The following PLEKHG3 variants were observed in gnomAD, a reference collection of about 807,000 sequenced individuals.
PLEKHG3 encodes the protein pleckstrin homology and RhoGEF domain containing G3, also known as pleckstrin homology domain-containing family G member 3.
Under a neutral mutation model 94.9 loss-of-function variants are expected in PLEKHG3, and 62 were observed. That is an observed-to-expected ratio of 0.65 (90% CI 0.53 to 0.81). PLEKHG3 has a LOEUF of 0.81. Ranked by LOEUF, PLEKHG3 falls within the 30% of genes least tolerant of loss-of-function variation. The probability of loss-of-function intolerance (pLI) is 0.00; values close to 1 mark genes in which losing one functional copy is unlikely to be tolerated. For missense variants in PLEKHG3, 1,461 were observed against 1,619.3 expected, an observed-to-expected ratio of 0.90 and a Z score of 1.68; for synonymous variants, 614 against 654.0, an observed-to-expected ratio of 0.94 and a Z score of 0.93.
At position 64,746,736 on chromosome 14, in the gene PLEKHG3, G is replaced by C. The variant is rs2081849015; in HGVS notation, c.*3033G>C. The C allele has an allele frequency of 6.6e-6, 1 of 152,618 alleles. No individual in the cohort carries two copies. Among genetic ancestry groups the C allele is most frequent in the Non-Finnish European group, 1.5e-5 (1 of 68,142 alleles). The allele number at this position is 152,618 out of a possible 1,614,324, so 9.5% of individuals were successfully genotyped here. On this transcript the variant is annotated 3_prime_UTR_variant, in exon 17 of 17. Coordinates refer to ENST00000247226, the MANE Select transcript of PLEKHG3 (RefSeq NM_001308147.2). The surrounding 1 kb of genome is among the most constrained non-coding windows in gnomAD (Gnocchi z 4.9). ...AGAGTCAGTTGAGGCTGGGACAAAG[G>C]GGAAGGAGAGAGGGAAGGAGGACCG...
rs1046000536 is a variant in PLEKHG3 at position 64,721,612 on chromosome 14, C to T, written c.-39-5981C>T. Among the ~76,000 whole-genome samples, 17 of 152,242 alleles carry T rather than the reference C, an allele frequency of 1.1e-4. No homozygotes were observed. The highest frequency in any genetic ancestry group is 3.9e-4 in the African/African-American group (16 of 41,470). On this transcript the variant is annotated intron_variant, in intron 1 of 16. Transcript: ENST00000247226. The surrounding 1 kb of genome is among the most constrained non-coding windows in gnomAD (Gnocchi z 4.3). ...ACCTTGGTCACACTGTTGGCACAGC[C>T]TCTGCAGGCAGTCACGTTGCTCACA...
Position 64,742,226 on chromosome 14 carries a change from G to T in PLEKHG3, c.2709G>T (p.Leu903=), listed in dbSNP as rs2081714261. The T allele has an allele frequency of 1.9e-6, 3 of 1,612,856 alleles. No individual in the cohort carries two copies. In the Admixed American group the frequency reaches 5.0e-5, roughly 27 times the overall value. Residue 903 remains leucine, a synonymous_variant, in exon 16 of 17, where the codon CTG becomes CTT. Transcript: ENST00000247226. ...SSTQGELVAP[L]HPRIVQLSHV... ...CCCAGGGGGAGCTGGTGGCCCCACTGCACCCCCGCATCGTGCAGCTCTCCC... is the reference window on the plus strand; with the variant it reads ...CCCAGGGGGAGCTGGTGGCCCCACTTCACCCCCGCATCGTGCAGCTCTCCC...
rs1266363778 is a variant in PLEKHG3 at position 64,739,056 on chromosome 14, A to G, written c.1518+201A>G. Among the ~76,000 whole-genome samples the G allele has an allele frequency of 1.3e-5, 2 of 152,104 alleles. No homozygotes were observed. The highest frequency in any genetic ancestry group is 2.9e-5 in the Non-Finnish European group (2 of 68,016). ...TTTGGTGAGCAGACCACCCCTTTCT[A>G]TGAAGTAGAGAAAGGCTCCCCTTTG... On this transcript the variant is annotated intron_variant, in intron 15 of 16. Coordinates refer to ENST00000247226, the MANE Select transcript of PLEKHG3 (RefSeq NM_001308147.2). This position sits in a 1 kb window ranked among gnomAD's most constrained non-coding sequence, Gnocchi z 4.1.
chr14:64,732,069 G>A lies in PLEKHG3; in HGVS notation c.1126-26G>A. On this transcript the variant is annotated intron_variant, in intron 9 of 16. Transcript: ENST00000247226. This position sits in a 1 kb window ranked among gnomAD's most constrained non-coding sequence, Gnocchi z 4.9. ...TTCAGGCCTGTAATGATAACCACTG[G>A]GTCCCTTTCCCTTGGGTCCTCCCAG... 1 of 1,534,916 alleles carries A rather than the reference G, an allele frequency of 6.5e-7. No individual in the cohort carries two copies. Among genetic ancestry groups the A allele is most frequent in the Non-Finnish European group, 9.0e-7 (1 of 1,107,740 alleles).
rs2081261372 is a variant in PLEKHG3 at position 64,721,494 on chromosome 14, T to G, written c.-39-6099T>G. On this transcript the variant is annotated intron_variant, in intron 1 of 16. Transcript: ENST00000247226. This position sits in a 1 kb window ranked among gnomAD's most constrained non-coding sequence, Gnocchi z 4.3. ...CCTGCTGCAAGGGACCCAGCCAGACTACATGGGCCCTGCTGCTCTTAGGTG... is the reference window on the plus strand; with the variant it reads ...CCTGCTGCAAGGGACCCAGCCAGACGACATGGGCCCTGCTGCTCTTAGGTG... Among the ~76,000 whole-genome samples the G allele has an allele frequency of 6.6e-6, 1 of 152,208 alleles. No individual in the cohort carries two copies. Among genetic ancestry groups the G allele is most frequent in the South Asian group, 2.1e-4 (1 of 4,832 alleles).
chr14:64,737,358 C>T lies in PLEKHG3; in HGVS notation c.1387C>T (p.Arg463Ter), dbSNP rs755962656. Residue 463 changes from arginine (R) to a stop codon, truncating the protein, a stop_gained and splice_region_variant, in exon 14 of 17, where the codon CGA (arginine) becomes TGA (stop). Transcript: ENST00000247226. LOFTEE classifies it high-confidence loss of function. ...HLLRQLNEKA[R>*]AAGMKGKGRR... ...GGACCCGGTGGTGATGTCTGCAGCC[C>T]GAGCAGCAGGAATGAAGGTAAAGGC... The T allele has an allele frequency of 5.6e-6, 9 of 1,602,160 alleles. No homozygotes were observed. The highest frequency in any genetic ancestry group is 1.1e-5 in the South Asian group (1 of 88,676).
chr14:64,733,341 T>C (rs1406625270), intron 12 of PLEKHG3, among the ~76,000 whole-genome samples: 1 of 148,616 alleles, frequency 6.7e-6, no homozygotes, highest in Non-Finnish European at 1.5e-5. Flanking sequence ...ATTTTTGTAT[T>C]TTTTAGTAGA....
rs761895184 is a variant in PLEKHG3 at position 64,741,360 on chromosome 14, C to T, written c.1843C>T (p.Arg615Trp). The T allele has an allele frequency of 5.3e-5, 85 of 1,613,364 alleles. 1 individual carries two copies. The South Asian group carries it at 7.1e-4, about 14-fold the overall frequency. The change falls in exon 16 of 17, where the codon CGG (arginine) becomes TGG (tryptophan). Residue 615 changes from arginine (R) to tryptophan (W), a missense_variant. Transcript: ENST00000247226. ...GGAGCGATTTGTCAGCAGCTTCTCT[C>T]GGCGGAGCAGCGTGGCACAGGAGGA... ...IAERFVSSFS[R>W]RSSVAQEDSK... is the part of the protein sequence containing the mutation.
rs962577658 is a variant in PLEKHG3 at position 64,738,339 on chromosome 14, C to T, written c.1405-403C>T. On this transcript the variant is annotated intron_variant, in intron 14 of 16. Coordinates refer to ENST00000247226, the MANE Select transcript of PLEKHG3 (RefSeq NM_001308147.2). The surrounding 1 kb of genome is among the most constrained non-coding windows in gnomAD (Gnocchi z 4.8). Reference sequence around the variant, plus strand: ...CCCACCCTGCCCTGGTTTTACTCCTCCCCTCAGCACTTAACACCATCGCTC... The same window carrying T: ...CCCACCCTGCCCTGGTTTTACTCCTTCCCTCAGCACTTAACACCATCGCTC... 1 of 525,276 alleles carries T rather than the reference C, an allele frequency of 1.9e-6. No homozygotes were observed. The highest frequency in any genetic ancestry group is 1.8e-5 in the South Asian group (1 of 54,614). 32.5% of individuals were successfully genotyped at this position (525,276 alleles called of 1,614,324 possible).
In PLEKHG3 at chr14:64,732,977, TC is replaced by T; in HGVS notation, c.1345+78del. ...AGACTGGGGACCGTCTGCGGCAGTG[TC>T]CAGGGCTGTGGCTCTCACCTCTGCG... On this transcript the variant is annotated intron_variant, in intron 12 of 16. Transcript: ENST00000247226. This position sits in a 1 kb window ranked among gnomAD's most constrained non-coding sequence, Gnocchi z 4.9. 1 of 919,468 alleles carries T rather than the reference TC, an allele frequency of 1.1e-6. No individual in the cohort carries two copies. The highest frequency in any genetic ancestry group is 1.7e-6 in the Non-Finnish European group (1 of 577,916). 57.0% of individuals were successfully genotyped at this position (919,468 alleles called of 1,614,324 possible).
intron 1 of PLEKHG3, among the ~76,000 whole-genome samples, chr14:64,709,047 G>C (rs2081023177): frequency 6.6e-6 from 1 of 152,208 alleles, no homozygotes; most frequent in African/African-American, 2.4e-5. Flanking sequence ...TCAGCAGGGG[G>C]CCCATCTAGA....
rs2081650704 is a variant in PLEKHG3 at position 64,739,816 on chromosome 14, G to T, written c.1518+961G>T. On this transcript the variant is annotated intron_variant, in intron 15 of 16. Transcript: ENST00000247226. This position sits in a 1 kb window ranked among gnomAD's most constrained non-coding sequence, Gnocchi z 4.1. ...ATCTGACCCCACTCATGAGGATGGA[G>T]CCCTTGTGACCTAATTTCCCAAAGG... 6.6e-6 allele frequency among the ~76,000 whole-genome samples: 1 copy of T among 152,162 alleles called. No individual in the cohort carries two copies. Among genetic ancestry groups the T allele is most frequent in the Non-Finnish European group, 1.5e-5 (1 of 68,032 alleles).
intron 1 of PLEKHG3, among the ~76,000 whole-genome samples, chr14:64,707,201 A>G (rs2080985665): frequency 6.6e-6 from 1 of 152,144 alleles, no homozygotes; most frequent in Admixed American, 6.5e-5. Context: ...TGGAAATCAC[A>G]ACTGCCAGGA....
chr14:64,736,764 G>A, intron 12 of PLEKHG3, 89 bp from the exon 13 acceptor site: 1 of 946,692 alleles, frequency 1.1e-6, no homozygotes, highest in Non-Finnish European at 1.7e-6. Context: ...TTGAGCTGGT[G>A]ATGGGCTGGT....
Position 64,728,532 on chromosome 14 carries a change from C to G in PLEKHG3, c.352-464C>G, listed in dbSNP as rs906312863. Among the ~76,000 whole-genome samples the G allele has an allele frequency of 6.6e-6, 1 of 152,212 alleles. No individual in the cohort carries two copies. Among genetic ancestry groups the G allele is most frequent in the Non-Finnish European group, 1.5e-5 (1 of 68,032 alleles). ...ATGTGTTCTCACTCAGTTCAGGAGG[C>G]CAGAAGTCCAAAAATCAATGTGTTG... On this transcript the variant is annotated intron_variant, in intron 2 of 16. Transcript: ENST00000247226. This position sits in a 1 kb window ranked among gnomAD's most constrained non-coding sequence, Gnocchi z 5.9.
intron 1 of PLEKHG3, among the ~76,000 whole-genome samples, chr14:64,713,801 G>A (rs2081096202): frequency 6.6e-6 from 1 of 151,618 alleles, no homozygotes; most frequent in Middle Eastern, 3.4e-3. Flanking sequence ...GTCTATTAAT[G>A]TTTATATTTC....
Position 64,727,655 on chromosome 14 carries a change from C to T in PLEKHG3, c.24C>T (p.His8=), listed in dbSNP as rs1483861545. The change falls in exon 2 of 17, where the codon CAC becomes CAT. Residue 8 remains histidine, a synonymous_variant. Transcript: ENST00000247226. This position sits in a 1 kb window ranked among gnomAD's most constrained non-coding sequence, Gnocchi z 6.0. ...GGATGCCTGTGTCCACCTCCCTCCA[C>T]CAGGATGGCAGCCAGGAGCGGCCGG... MPVSTSL[H]QDGSQERPVS... The T allele has an allele frequency of 1.2e-6, 2 of 1,612,226 alleles. No homozygotes were observed. Among genetic ancestry groups the T allele is most frequent in the Non-Finnish European group, 8.5e-7 (1 of 1,179,400 alleles).
At chr14:64,710,885 G>A (rs1481399795) in intron 1 of PLEKHG3, among the ~76,000 whole-genome samples, 1 of 151,938 alleles carries the variant, frequency 6.6e-6, no homozygotes, top group African/African-American at 2.4e-5. Context: ...GGGATCATCA[G>A]TTTGATAATT....
intron 1 of PLEKHG3, among the ~76,000 whole-genome samples, chr14:64,714,999 T>C (rs11621159): frequency 0.069 from 10,466 of 152,210 alleles, 396 homozygotes; most frequent in Non-Finnish European, 0.085. Context: ...CAGCTTGGGA[T>C]ACTTGCTACT....
Sources: allele counts gnomAD v4.1 joint callset (sites outside exome capture counted in the v4.1 genomes callset), GRCh38; gene constraint gnomAD v4.1.1; non-coding constraint Gnocchi (gnomAD v3.1); transcripts MANE v1.5; gene names NCBI Gene and HGNC (gene_info 2026-07-23, HGNC 2026-07-21).